The following KCNH1 variants were observed in gnomAD, a reference collection of about 807,000 sequenced individuals.
The protein encoded by KCNH1 is potassium voltage-gated channel subfamily H member 1.
In KCNH1, 27 loss-of-function variants were observed where a neutral mutation model predicts 69.2. The observed-to-expected ratio is 0.39, with a 90% CI of 0.29 to 0.54. The LOEUF (loss-of-function observed/expected upper bound fraction) is 0.54, where lower values mean the gene tolerates loss of function less well. KCNH1 is among the 20% of genes least tolerant of loss of function. The pLI is 0.68. For missense variants in KCNH1, 798 were observed against 1,261.6 expected, an observed-to-expected ratio of 0.63 and a Z score of 5.57; for synonymous variants, 456 against 487.7, an observed-to-expected ratio of 0.93 and a Z score of 0.86.
At chr1:210,819,515 G>A (rs570967908) in intron 7 of KCNH1, among the ~76,000 whole-genome samples, 8 of 152,026 alleles carry the variant, frequency 5.3e-5, no homozygotes, top group Non-Finnish European at 1.0e-4. Context: ...GAATTACTGC[G>A]GCTCCAAGGC....
At chr1:210,881,845 A>C (rs1435497929) in intron 7 of KCNH1, among the ~76,000 whole-genome samples, 1 of 152,252 alleles carries the variant, frequency 6.6e-6, no homozygotes, top group African/African-American at 2.4e-5. Flanking sequence ...CTACGGAGAC[A>C]GAAAAAAGAT....
chr1:210,803,359 C>T (rs1478156947), intron 8 of KCNH1, among the ~76,000 whole-genome samples: 1 of 152,148 alleles, frequency 6.6e-6, no homozygotes, highest in Non-Finnish European at 1.5e-5. Context: ...GCCTCGGCCT[C>T]CCAAAATGCT....
chr1:211,026,400 C>G (rs7540154), intron 5 of KCNH1, among the ~76,000 whole-genome samples: 95,431 of 138,832 alleles, frequency 0.69, 33,704 homozygotes, highest in African/African-American at 0.8. Context: ...AAAAAACAAC[C>G]ACAACAACAA....
intron 7 of KCNH1, among the ~76,000 whole-genome samples, chr1:210,845,378 C>A (rs1455094021): frequency 1.3e-5 from 2 of 152,122 alleles, no homozygotes; most frequent in Admixed American, 6.5e-5. Flanking sequence ...AGCTTATCCA[C>A]CATGATCAAG....
At chr1:210,777,951 T>G (rs1553342427) in intron 9 of KCNH1, among the ~76,000 whole-genome samples, 1 of 152,202 alleles carries the variant, frequency 6.6e-6, no homozygotes, top group Non-Finnish European at 1.5e-5. Flanking sequence ...TCTGCCTGGA[T>G]CACTTAGAAC....
chr1:210,798,683 G>C (rs1350557403), intron 8 of KCNH1, among the ~76,000 whole-genome samples: 1 of 152,190 alleles, frequency 6.6e-6, no homozygotes, highest in African/African-American at 2.4e-5. Flanking sequence ...TCTAGTCAAG[G>C]AATCTAGTTA....
At chr1:210,985,268 G>A (rs1220325041) in intron 6 of KCNH1, among the ~76,000 whole-genome samples, 1 of 152,050 alleles carries the variant, frequency 6.6e-6, no homozygotes, top group Non-Finnish European at 1.5e-5. Flanking sequence ...AGGGTTTTTT[G>A]TGTCTCTATC....
chr1:210,740,812 CAG>C (rs975371535), intron 10 of KCNH1, among the ~76,000 whole-genome samples: 4 of 134,918 alleles, frequency 3.0e-5, no homozygotes, highest in Admixed American at 2.6e-4. Context: ...AATGTAAAAA[CAG>C]AGAGTGAGAA....
At chr1:210,765,460 A>G (rs145714620) in intron 10 of KCNH1, among the ~76,000 whole-genome samples, 201 of 152,354 alleles carry the variant, frequency 1.3e-3, no homozygotes, top group African/African-American at 4.7e-3. Flanking sequence ...TTGAGCTACA[A>G]TTCTAACTCC....
chr1:211,064,206 A>C (rs552459817), intron 5 of KCNH1, among the ~76,000 whole-genome samples: 1 of 152,202 alleles, frequency 6.6e-6, no homozygotes, highest in African/African-American at 2.4e-5. Flanking sequence ...ATTAAAAAGA[A>C]TGAAGGAGAC....
intron 6 of KCNH1, among the ~76,000 whole-genome samples, chr1:210,995,370 C>T (rs1427327319): frequency 6.6e-6 from 1 of 152,096 alleles, no homozygotes; most frequent in African/African-American, 2.4e-5. Context: ...AAACTTAAGC[C>T]ACTAAATTAA....
At chr1:210,997,190 G>T (rs113473441) in intron 6 of KCNH1, among the ~76,000 whole-genome samples, 11 of 152,180 alleles carry the variant, frequency 7.2e-5, no homozygotes, top group Admixed American at 7.2e-4. Flanking sequence ...GACAGAAGAA[G>T]GCTTCAGACG....
rs1321212805 is a variant in KCNH1, at chr1:210,712,195, G to T, written c.2113-28057C>A. 5.3e-5 allele frequency among the ~76,000 whole-genome samples: 8 copies of T among 152,298 alleles called. No homozygotes were observed. The South Asian group carries it at 1.0e-3, about 20-fold the overall frequency. On this transcript the variant is annotated intron_variant, in intron 10 of 10. Transcript: ENST00000271751. ...CGTACATCTCCAGAATCCATAAAAG[G>T]AACATGGTAATGCTGCACCAACCAT...
chr1:210,959,850 C>A (rs573117789), intron 6 of KCNH1, among the ~76,000 whole-genome samples: 2 of 152,312 alleles, frequency 1.3e-5, no homozygotes, highest in African/African-American at 4.8e-5. Flanking sequence ...ATCCCCCGAC[C>A]CTTTGCACTT....
chr1:211,100,574 C>T (rs1303618341), intron 3 of KCNH1, among the ~76,000 whole-genome samples: 2 of 152,206 alleles, frequency 1.3e-5, no homozygotes, highest in African/African-American at 4.8e-5. Flanking sequence ...TGGTCTCAAA[C>T]TCCTGACATC....
At chr1:210,974,711 G>A (rs574160786) in intron 6 of KCNH1, among the ~76,000 whole-genome samples, 14 of 151,862 alleles carry the variant, frequency 9.2e-5, no homozygotes, top group Non-Finnish European at 1.8e-4. Context: ...CTACAGGTGC[G>A]TGACACTACG....
intron 7 of KCNH1, chr1:210,861,338 T>C: frequency 1.3e-6 from 1 of 789,498 alleles, no homozygotes; most frequent in Admixed American, 1.7e-5. Context: ...CATATATTGC[T>C]TCTCGTTGTA....
chr1:211,106,146 G>T (rs1335502963), intron 2 of KCNH1, among the ~76,000 whole-genome samples: 2 of 152,152 alleles, frequency 1.3e-5, no homozygotes, highest in East Asian at 3.8e-4. Flanking sequence ...TCCTGATTTG[G>T]CATGAATGAT....
At chr1:210,896,648 C>T (rs750421757) in intron 7 of KCNH1, among the ~76,000 whole-genome samples, 6 of 152,154 alleles carry the variant, frequency 3.9e-5, no homozygotes, top group Admixed American at 1.3e-4. Context: ...AGTGGAGGCT[C>T]TTTCCAGAAC....
Sources: allele counts gnomAD v4.1 joint callset (sites outside exome capture counted in the v4.1 genomes callset), GRCh38; gene constraint gnomAD v4.1.1; transcripts MANE v1.5; gene names NCBI Gene and HGNC (gene_info 2026-07-23, HGNC 2026-07-21).